The following DAW1 variants were observed in gnomAD, a reference collection of about 807,000 sequenced individuals.
DAW1 encodes dynein assembly factor with WD repeat domains 1.
A neutral mutation model predicts 56.5 loss-of-function variants in DAW1; 47 were observed. The observed-to-expected ratio is 0.83, with a 90% CI of 0.66 to 1.06. The LOEUF (loss-of-function observed/expected upper bound fraction) is 1.06. Among genes scored for constraint, DAW1 ranks in the 50% least tolerant of loss-of-function variants. The pLI, the probability that DAW1 is intolerant of heterozygous loss-of-function variation, is 0.00. For synonymous variants in DAW1, 190 were observed against 179.0 expected, an observed-to-expected ratio of 1.06 and a Z score of -0.49; for missense variants, 505 against 499.3, an observed-to-expected ratio of 1.01 and a Z score of -0.11.
In DAW1 at chr2:227,871,633, T is replaced by C. The variant is rs1385278546; in HGVS notation, c.-57T>C. ...CGCATGCGCACCCGCGTCCCGCTGC[T>C]GTTTAGCCGTTTCCAAGGCTACGAA... On this transcript the variant is annotated 5_prime_UTR_variant, in exon 1 of 13. Transcript: ENST00000309931. 4.4e-6 allele frequency: 7 copies of C among 1,597,956 alleles called. No homozygotes were observed. The Admixed American group carries it at 1.2e-4, about 28-fold the overall frequency.
intron 10 of DAW1, among the ~76,000 whole-genome samples, chr2:227,910,412 C>T (rs546051055): frequency 2.0e-5 from 3 of 151,894 alleles, no homozygotes; most frequent in East Asian, 1.9e-4. Flanking sequence ...TTCAAGGTTA[C>T]AGCGAACTAT....
intron 10 of DAW1, among the ~76,000 whole-genome samples, chr2:227,907,714 A>T (rs556798736): frequency 5.2e-4 from 79 of 152,092 alleles, no homozygotes; most frequent in Admixed American, 2.4e-3. Context: ...TGCCTGGCTA[A>T]TTTTTGTATT....
intron 10 of DAW1, among the ~76,000 whole-genome samples, chr2:227,910,524 A>ACACACACACACACCC (rs756824641): frequency 6.7e-6 from 1 of 150,084 alleles, no homozygotes; most frequent in African/African-American, 2.5e-5. Context: ...ACACACACAC[A>ACACACACACACACCC]CCCCTCATAT....
At chr2:227,894,457 C>T (rs918501918) in intron 5 of DAW1, among the ~76,000 whole-genome samples, 3 of 151,992 alleles carry the variant, frequency 2.0e-5, no homozygotes, top group Admixed American at 6.6e-5. Flanking sequence ...TTCCAAGGAT[C>T]GCACGGTAGT....
At chr2:227,906,774 G>A (rs528784375) in intron 9 of DAW1, among the ~76,000 whole-genome samples, 5 of 152,246 alleles carry the variant, frequency 3.3e-5, no homozygotes, top group African/African-American at 1.2e-4. Flanking sequence ...TCCATTTTCT[G>A]ACATTGTAGT....
intron 12 of DAW1, among the ~76,000 whole-genome samples, chr2:227,922,880 G>A (rs189692392): frequency 2.0e-5 from 3 of 152,174 alleles, no homozygotes; most frequent in Non-Finnish European, 4.4e-5. Context: ...TGAGAAAAGA[G>A]GTGAGGGGCT....
At position 227,885,408 on chromosome 2, in the gene DAW1, T is replaced by C. The variant is rs774846018; in HGVS notation, c.98T>C (p.Leu33Pro). 5 of 1,603,506 alleles carry C rather than the reference T, an allele frequency of 3.1e-6. No homozygotes were observed. The highest frequency in any genetic ancestry group is 1.7e-4 in the Middle Eastern group (1 of 6,050). Residue 33 changes from leucine (L) to proline (P), a missense_variant, in exon 2 of 13, where the codon CTT (leucine) becomes CCT (proline). Physicochemically the swap from Leu to Pro is moderately conservative, Grantham distance 98. Transcript: ENST00000309931. Reference sequence around the variant, plus strand: ...TTAAAGACTAAGTCCATAGATTTGCTTGATCTTGGTCCCAGGTAAGTAAGC... The same window carrying C: ...TTAAAGACTAAGTCCATAGATTTGCCTGATCTTGGTCCCAGGTAAGTAAGC... Reference protein sequence around the residue: ...GELKTKSIDLLDLGPSTDVSA... With the variant: ...GELKTKSIDLPDLGPSTDVSA...
chr2:227,886,956 A>G (rs1396082390), intron 2 of DAW1, among the ~76,000 whole-genome samples: 2 of 152,238 alleles, frequency 1.3e-5, no homozygotes, highest in Non-Finnish European at 2.9e-5. Flanking sequence ...TGAGACCGTA[A>G]GCAAAAGGAG....
chr2:227,882,011 C>G (rs1691024189), intron 1 of DAW1, among the ~76,000 whole-genome samples: 1 of 152,110 alleles, frequency 6.6e-6, no homozygotes, highest in African/African-American at 2.4e-5. Flanking sequence ...CTTGGCCTCC[C>G]AAAGTGGTGG....
intron 1 of DAW1, among the ~76,000 whole-genome samples, chr2:227,878,656 C>T (rs77971839): frequency 0.089 from 13,563 of 152,092 alleles, 756 homozygotes; most frequent in East Asian, 0.18. Context: ...CCTAGGAGTT[C>T]GAGACTACAG....
chr2:227,910,495 A>AACAC (rs55741229), intron 10 of DAW1, among the ~76,000 whole-genome samples: 38,243 of 145,198 alleles, frequency 0.26, 5,663 homozygotes, highest in South Asian at 0.4. Flanking sequence ...TTTGTGGATG[A>AACAC]ACACACACAC....
chr2:227,896,637 A>G (rs1277419440), intron 5 of DAW1, among the ~76,000 whole-genome samples: 1 of 141,420 alleles, frequency 7.1e-6, no homozygotes, highest in Non-Finnish European at 1.6e-5. Flanking sequence ...TGTGTATGAG[A>G]GAGAGAGAGA....
Position 227,875,546 on chromosome 2 carries a change from C to T in DAW1, c.40+3817C>T, listed in dbSNP as rs781398602. Among the ~76,000 whole-genome samples, 28 of 152,312 alleles carry T rather than the reference C, an allele frequency of 1.8e-4. No individual in the cohort carries two copies. In the Middle Eastern group the frequency reaches 0.01, roughly 56 times the overall value. On this transcript the variant is annotated intron_variant, in intron 1 of 12. Transcript: ENST00000309931. ...CAGAGGTGTCCCCACCCAGGGTCTG[C>T]AGTTGGTGTTCTTTCTGCCTCGAAT...
chr2:227,879,536 A>G (rs1187967530), intron 1 of DAW1, among the ~76,000 whole-genome samples: 1 of 151,974 alleles, frequency 6.6e-6, no homozygotes, highest in Non-Finnish European at 1.5e-5. Flanking sequence ...AGAAGCTTAT[A>G]ATTTATTTTA....
At position 227,918,810 on chromosome 2, in the gene DAW1, G is replaced by C. The variant is rs756841685; in HGVS notation, c.1004G>C (p.Arg335Thr). Residue 335 changes from arginine (R) to threonine (T), a missense_variant, in exon 11 of 13, where the codon AGA (arginine) becomes ACA (threonine). Coordinates refer to ENST00000309931, the MANE Select transcript of DAW1 (RefSeq NM_178821.3). ...GCAAGAATTTTCAGTGCTGCCACAA[G>C]AAAATGCATTGCCAAACTGGAAGGT... ...GTARIFSAATRKCIAKLEGHE... is the reference protein window; with the variant it reads ...GTARIFSAATTKCIAKLEGHE... 6.2e-7 allele frequency: 1 copy of C among 1,614,086 alleles called. No homozygotes were observed. The highest frequency in any genetic ancestry group is 8.5e-7 in the Non-Finnish European group (1 of 1,180,008).
At chr2:227,915,304 C>A (rs1452817334) in intron 10 of DAW1, among the ~76,000 whole-genome samples, 1 of 151,928 alleles carries the variant, frequency 6.6e-6, no homozygotes, top group East Asian at 1.9e-4. Context: ...TATTATGGGT[C>A]ATCTTTTTGA....
At chr2:227,923,063 T>C (rs1431998401) in intron 12 of DAW1, among the ~76,000 whole-genome samples, 1 of 152,226 alleles carries the variant, frequency 6.6e-6, no homozygotes, top group Non-Finnish European at 1.5e-5. Flanking sequence ...GTGCCTTGCG[T>C]TGGTGCCAGC....
intron 5 of DAW1, among the ~76,000 whole-genome samples, chr2:227,894,793 C>T (rs1691367581): frequency 6.6e-6 from 1 of 152,208 alleles, no homozygotes; most frequent in Non-Finnish European, 1.5e-5. Context: ...GCACCCTGAA[C>T]ATCTATAGCA....
intron 5 of DAW1, 114 bp downstream of exon 5, chr2:227,894,031 G>T: frequency 1.8e-5 from 21 of 1,154,428 alleles, no homozygotes; most frequent in Non-Finnish European, 2.5e-5. Flanking sequence ...CTTGGTATGT[G>T]CTTTGGAAGC....
Sources: allele counts gnomAD v4.1 joint callset (sites outside exome capture counted in the v4.1 genomes callset), GRCh38; gene constraint gnomAD v4.1.1; transcripts MANE v1.5; gene names NCBI Gene and HGNC (gene_info 2026-07-23, HGNC 2026-07-21).